The following CCDC192 variants were observed in gnomAD, a reference collection of about 807,000 sequenced individuals.
The protein encoded by CCDC192 is coiled-coil domain-containing protein 192.
intron 3 of CCDC192, among the ~76,000 whole-genome samples, chr5:127,775,438 A>G (rs1413567697): frequency 6.6e-6 from 1 of 152,160 alleles, no homozygotes; most frequent in Non-Finnish European, 1.5e-5. Context: ...GCTCTTGCCC[A>G]TGTTTTCCCC....
intron 5 of CCDC192, among the ~76,000 whole-genome samples, chr5:127,853,022 G>A (rs552665167): frequency 9.2e-5 from 14 of 152,156 alleles, no homozygotes; most frequent in South Asian, 2.1e-4. Flanking sequence ...CCCAGGAGGC[G>A]GAGCTTGCAG....
In CCDC192 at chr5:127,884,316, C is replaced by T. The variant is rs373341428; in HGVS notation, c.535+8655C>T. ...CGAGATTGTGCCACTGAACTCCAGC[C>T]TGGGCGACAGAGCAAGACTCCGTCT... On this transcript the variant is annotated intron_variant, in intron 6 of 6. Transcript: ENST00000514853. 3.8e-5 allele frequency among the ~76,000 whole-genome samples: 4 copies of T among 104,512 alleles called. No homozygotes were observed. In the East Asian group the frequency reaches 1.0e-3, roughly 27 times the overall value. The allele number at this position is 104,512 out of a possible 152,430, so 68.6% of individuals were successfully genotyped here. A position where few individuals can be genotyped will look rare whatever the true frequency, so the allele number is the denominator to read the frequency against.
At chr5:127,871,564 C>G (rs1235369335) in intron 5 of CCDC192, among the ~76,000 whole-genome samples, 4 of 152,066 alleles carry the variant, frequency 2.6e-5, no homozygotes, top group African/African-American at 7.2e-5. Context: ...ATGTTATGTC[C>G]TTGGATCCCC....
At chr5:127,805,124 C>T (rs1561498469) in intron 5 of CCDC192, among the ~76,000 whole-genome samples, 1 of 152,184 alleles carries the variant, frequency 6.6e-6, no homozygotes, top group Non-Finnish European at 1.5e-5. Flanking sequence ...AGAAGCATCA[C>T]TTCATTCCTG....
At chr5:127,824,678 T>C (rs1160666391) in intron 5 of CCDC192, among the ~76,000 whole-genome samples, 2 of 152,148 alleles carry the variant, frequency 1.3e-5, no homozygotes. Flanking sequence ...AGAATCTCTG[T>C]TTAAAAATCC....
intron 2 of CCDC192, among the ~76,000 whole-genome samples, chr5:127,724,855 A>AAG (rs1752230419): frequency 6.6e-6 from 1 of 151,570 alleles, no homozygotes; most frequent in African/African-American, 2.4e-5. Flanking sequence ...CTCAAAAAAA[A>AAG]AAAAAAAAGA....
At chr5:127,707,843 G>A in intron 2 of CCDC192, 83 bp downstream of exon 2, 2 of 390,414 alleles carry the variant, frequency 5.1e-6, no homozygotes, top group South Asian at 1.4e-4. Context: ...TAATATTAAG[G>A]TTTTCTTGAT....
rs1030442987 is a variant in CCDC192 at position 127,853,051 on chromosome 5, C to G, written c.412-22487C>G. Among the ~76,000 whole-genome samples, 9 of 152,198 alleles carry G rather than the reference C, an allele frequency of 5.9e-5. 1 individual carries two copies. Among genetic ancestry groups the G allele is most frequent in the Middle Eastern group, 6.8e-3 (2 of 292 alleles). The stretch of plus-strand genomic sequence containing the variant: ...CTTGCAGTGAGCTGAGATCGTGCCA[C>G]TGCACTCCAGCCTGGGCAACAGAGC... On this transcript the variant is annotated intron_variant, in intron 5 of 6. Coordinates refer to ENST00000514853, the MANE Select transcript of CCDC192 (RefSeq NM_001317938.2).
intron 5 of CCDC192, among the ~76,000 whole-genome samples, chr5:127,824,724 G>C (rs1422447998): frequency 1.3e-5 from 2 of 152,204 alleles, no homozygotes; most frequent in African/African-American, 4.8e-5. Flanking sequence ...CCTGTGGGCT[G>C]TGTAGGATGT....
chr5:127,920,987 T>C (rs1226065350), intron 6 of CCDC192, among the ~76,000 whole-genome samples: 3 of 151,578 alleles, frequency 2.0e-5, no homozygotes, highest in Admixed American at 6.6e-5. Context: ...CAGTGAGTCA[T>C]GCTTGTACCA....
At chr5:127,884,859 T>G (rs1700495230) in intron 6 of CCDC192, among the ~76,000 whole-genome samples, 1 of 152,206 alleles carries the variant, frequency 6.6e-6, no homozygotes, top group African/African-American at 2.4e-5. Flanking sequence ...ATTTTTACAC[T>G]ACTTATTTAG....
rs1491093007 is a variant in CCDC192, at chr5:127,876,064, T to TA, written c.535+403_535+404insA. On this transcript the variant is annotated intron_variant, in intron 6 of 6. Transcript: ENST00000514853. ...CTAGGGCACAGGGAAGAGAACAGAA[T>TA]TTTTTTTTTTTTTTTTTTTTTACCA... Among the ~76,000 whole-genome samples, 6 of 9,926 alleles carry TA rather than the reference T, an allele frequency of 6.0e-4. No individual in the cohort carries two copies. The African/African-American group carries it at 7.2e-3, about 12-fold the overall frequency. 6.5% of individuals were successfully genotyped at this position (9,926 alleles called of 152,430 possible). A position where few individuals can be genotyped will look rare whatever the true frequency, so the allele number is the denominator to read the frequency against.
chr5:127,704,939 A>G (rs1403827422), intron 1 of CCDC192, among the ~76,000 whole-genome samples: 2 of 152,132 alleles, frequency 1.3e-5, no homozygotes, highest in Non-Finnish European at 2.9e-5. Flanking sequence ...GACATGAAGA[A>G]TGAAGTAAAA....
At chr5:127,864,443 G>T (rs1751511278) in intron 5 of CCDC192, among the ~76,000 whole-genome samples, 1 of 152,170 alleles carries the variant, frequency 6.6e-6, no homozygotes, top group Admixed American at 6.5e-5. Context: ...AGGATATTGA[G>T]ATCTACTTAA....
At chr5:127,706,011 C>T (rs1329793402) in intron 1 of CCDC192, among the ~76,000 whole-genome samples, 1 of 152,096 alleles carries the variant, frequency 6.6e-6, no homozygotes, top group East Asian at 1.9e-4. Context: ...GCGAGAAAAG[C>T]AATTACATCT....
At chr5:127,846,288 CAAAA>C (rs34754443) in intron 5 of CCDC192, among the ~76,000 whole-genome samples, 1 of 124,426 alleles carries the variant, frequency 8.0e-6, no homozygotes, top group Non-Finnish European at 1.7e-5. Context: ...GACTCGGTCT[CAAAA>C]AAAAAAAAAA....
At chr5:127,853,787 C>T (rs1218029703) in intron 5 of CCDC192, among the ~76,000 whole-genome samples, 1 of 152,032 alleles carries the variant, frequency 6.6e-6, no homozygotes, top group Non-Finnish European at 1.5e-5. Context: ...AGCAAACAAA[C>T]AAACAAACAA....
intron 5 of CCDC192, among the ~76,000 whole-genome samples, chr5:127,818,572 G>A (rs1196505908): frequency 6.6e-6 from 1 of 152,192 alleles, no homozygotes; most frequent in Non-Finnish European, 1.5e-5. Flanking sequence ...ATTATGACAA[G>A]TGGAATGATC....
At chr5:127,774,102 A>G (rs182448751) in intron 3 of CCDC192, among the ~76,000 whole-genome samples, 42 of 152,202 alleles carry the variant, frequency 2.8e-4, no homozygotes, top group African/African-American at 9.4e-4. Flanking sequence ...CCAGTTTTCA[A>G]TTGGGTGGTT....
Sources: gnomAD v4.1 joint callset for allele counts (sites outside exome capture counted in the v4.1 genomes callset) on GRCh38, gnomAD v4.1.1 for gene constraint, MANE v1.5 for transcripts, NCBI Gene and HGNC (gene_info 2026-07-23, HGNC 2026-07-21) for gene names.